The following KIAA0825 variants were observed in gnomAD, a reference collection of about 807,000 sequenced individuals.
The protein encoded by KIAA0825 is KIAA0825.
Under a neutral mutation model 147.6 loss-of-function variants are expected in KIAA0825, and 119 were observed. That is an observed-to-expected ratio of 0.81 (90% CI 0.69 to 0.94). KIAA0825 has a LOEUF of 0.94. Ranked by LOEUF, KIAA0825 falls within the 40% of genes least tolerant of loss-of-function variation. KIAA0825 has a pLI of 0.00. For missense variants in KIAA0825, 1,381 were observed against 1,472.7 expected, an observed-to-expected ratio of 0.94 and a Z score of 1.02; for synonymous variants, 470 against 518.1, an observed-to-expected ratio of 0.91 and a Z score of 1.26.
At chr5:94,429,466 G>T (rs1755362985) in intron 14 of KIAA0825, among the ~76,000 whole-genome samples, 1 of 151,818 alleles carries the variant, frequency 6.6e-6, no homozygotes, top group Admixed American at 6.6e-5. Flanking sequence ...ATAGACATAT[G>T]CACTTCTTTT....
intron 20 of KIAA0825, among the ~76,000 whole-genome samples, chr5:94,262,907 G>A (rs1214789535): frequency 6.6e-6 from 1 of 152,068 alleles, no homozygotes; most frequent in African/African-American, 2.4e-5. Context: ...CTCAAAGGGA[G>A]ACACAGTCTT....
chr5:94,151,459 A>G lies in KIAA0825; in HGVS notation c.*2548T>C, dbSNP rs1766493246. Among the ~76,000 whole-genome samples the G allele has an allele frequency of 6.8e-6, 1 of 146,244 alleles. No individual in the cohort carries two copies. The highest frequency in any genetic ancestry group is 6.8e-5 in the Admixed American group (1 of 14,778). On this transcript the variant is annotated 3_prime_UTR_variant, in exon 21 of 21. Coordinates refer to ENST00000682413, the MANE Select transcript of KIAA0825 (RefSeq NM_001145678.3). ...AAAAAAAAAAAAAAAAAACATATTG[A>G]GTATAAAGTCAAAATAATCTGATAA...
intron 20 of KIAA0825, among the ~76,000 whole-genome samples, chr5:94,159,609 A>C (rs1194652288): frequency 6.6e-6 from 1 of 152,156 alleles, no homozygotes; most frequent in Non-Finnish European, 1.5e-5. Context: ...ATATATGTAT[A>C]TATGTATATG....
intron 20 of KIAA0825, among the ~76,000 whole-genome samples, chr5:94,252,372 C>T (rs1776006413): frequency 6.6e-6 from 1 of 151,734 alleles, no homozygotes; most frequent in Non-Finnish European, 1.5e-5. Context: ...TCATGCTTTA[C>T]TTATTTAAAT....
chr5:94,320,323 A>G (rs1482323176), intron 20 of KIAA0825, among the ~76,000 whole-genome samples: 2 of 151,910 alleles, frequency 1.3e-5, no homozygotes, highest in African/African-American at 2.4e-5. Flanking sequence ...TATCATTGCT[A>G]TGTGTTAGGA....
intron 1 of KIAA0825, among the ~76,000 whole-genome samples, chr5:94,617,587 A>G (rs1305505864): frequency 6.6e-6 from 1 of 152,202 alleles, no homozygotes; most frequent in African/African-American, 2.4e-5. Context: ...TTTTGAAAAA[A>G]TAACAGTCAG....
chr5:94,176,330 C>T (rs1769099367), intron 20 of KIAA0825, among the ~76,000 whole-genome samples: 1 of 152,120 alleles, frequency 6.6e-6, no homozygotes, highest in Non-Finnish European at 1.5e-5. Flanking sequence ...CAGCATGAGG[C>T]CCTCACTGGA....
chr5:94,496,054 T>G (rs879512758), intron 5 of KIAA0825, among the ~76,000 whole-genome samples: 1 of 151,748 alleles, frequency 6.6e-6, no homozygotes, highest in Non-Finnish European at 1.5e-5. Context: ...CAAGAGTAGG[T>G]GGGAAGGGAT....
At chr5:94,381,530 A>G (rs1748415201) in intron 20 of KIAA0825, among the ~76,000 whole-genome samples, 1 of 152,226 alleles carries the variant, frequency 6.6e-6, no homozygotes, top group South Asian at 2.1e-4. Context: ...GGATATGCAT[A>G]GGTTATATGC....
At chr5:94,459,338 T>C (rs2150941744) in intron 12 of KIAA0825, among the ~76,000 whole-genome samples, 1 of 152,268 alleles carries the variant, frequency 6.6e-6, no homozygotes, top group Middle Eastern at 3.4e-3. Context: ...GTGGACATAG[T>C]ATTTTCATTG....
chr5:94,248,132 T>A (rs1331840935), intron 20 of KIAA0825, among the ~76,000 whole-genome samples: 3 of 152,036 alleles, frequency 2.0e-5, no homozygotes, highest in Non-Finnish European at 4.4e-5. Flanking sequence ...ATGAGTGGGA[T>A]TTTAGGGTAT....
chr5:94,579,098 T>G (rs1235869612), intron 2 of KIAA0825, among the ~76,000 whole-genome samples: 1 of 152,152 alleles, frequency 6.6e-6, no homozygotes, highest in East Asian at 1.9e-4. Flanking sequence ...ATTTTTGTAT[T>G]TTTAGTAGAG....
chr5:94,303,817 T>C (rs1778552015), intron 20 of KIAA0825, among the ~76,000 whole-genome samples: 3 of 152,054 alleles, frequency 2.0e-5, no homozygotes, highest in Non-Finnish European at 4.4e-5. Context: ...ATCCTGTCCC[T>C]GATAAAATCG....
chr5:94,554,410 G>A (rs1167219417), intron 2 of KIAA0825, among the ~76,000 whole-genome samples: 1 of 151,990 alleles, frequency 6.6e-6, no homozygotes, highest in Non-Finnish European at 1.5e-5. Flanking sequence ...TGGTAATAAA[G>A]CAAAGTGAAA....
Position 94,465,074 on chromosome 5 carries a change from A to G in KIAA0825, c.1873-15T>C. The G allele has an allele frequency of 6.5e-7, 1 of 1,549,962 alleles. No homozygotes were observed. The highest frequency in any genetic ancestry group is 1.2e-5 in the South Asian group (1 of 83,816). ...CATCTTTCCCCCTGGCAAAGCCAGC[A>G]CACGTTAAACCATAGAGTTACATCT... On this transcript the variant is annotated splice_polypyrimidine_tract_variant and intron_variant, in intron 10 of 20. Transcript: ENST00000682413.
chr5:94,391,568 C>T lies in KIAA0825; in HGVS notation c.3423G>A (p.Leu1141=). 7.7e-6 allele frequency: 12 copies of T among 1,551,630 alleles called. No homozygotes were observed. The highest frequency in any genetic ancestry group is 1.0e-5 in the Non-Finnish European group (12 of 1,146,948). ...LCHKPGGREY[L]RQIYHIMQLN... Reference sequence around the variant, plus strand: ...GCTGCATGATGTGATAAATTTGCCTCAGGTACTCCCTGCCACCTGGTTTGT... The same window carrying T: ...GCTGCATGATGTGATAAATTTGCCTTAGGTACTCCCTGCCACCTGGTTTGT... Residue 1141 remains leucine (L), a synonymous_variant, in exon 18 of 21, where the codon CTG becomes CTA. Transcript: ENST00000682413.
intron 2 of KIAA0825, among the ~76,000 whole-genome samples, chr5:94,573,941 T>C (rs199694967): frequency 1.3e-5 from 2 of 152,114 alleles, no homozygotes; most frequent in Non-Finnish European, 2.9e-5. Flanking sequence ...CTCTTAGAAA[T>C]TTGGGCAAGA....
chr5:94,361,079 G>A (rs1217769285), intron 20 of KIAA0825, among the ~76,000 whole-genome samples: 1 of 152,172 alleles, frequency 6.6e-6, no homozygotes, highest in East Asian at 1.9e-4. Flanking sequence ...GGGTTTTCTA[G>A]CAATGAGACA....
intron 20 of KIAA0825, among the ~76,000 whole-genome samples, chr5:94,367,147 GTTACTAT>G (rs1451596109): frequency 6.6e-6 from 1 of 152,184 alleles, no homozygotes; most frequent in African/African-American, 2.4e-5. Flanking sequence ...TCTAAGACAA[GTTACTAT>G]TTATTCCTAA....
Sources: gnomAD v4.1 joint callset for allele counts (sites outside exome capture counted in the v4.1 genomes callset) on GRCh38, gnomAD v4.1.1 for gene constraint, MANE v1.5 for transcripts, NCBI Gene and HGNC (gene_info 2026-07-23, HGNC 2026-07-21) for gene names.